The following FBXL18 variants were observed in gnomAD, a reference collection of about 807,000 sequenced individuals.
The protein encoded by FBXL18 is F-box and leucine rich repeat protein 18.
In FBXL18, 36 loss-of-function variants were observed where a neutral mutation model predicts 46.0. That is an observed-to-expected ratio of 0.78 (90% CI 0.60 to 1.03). The LOEUF is 1.03. Among genes scored for constraint, FBXL18 ranks in the 50% least tolerant of loss-of-function variants. The pLI, the probability that FBXL18 is intolerant of heterozygous loss-of-function variation, is 0.00. For synonymous variants in FBXL18, 557 were observed against 465.3 expected (o/e 1.20, Z -2.54); for missense variants, 977 against 1,004.1 (o/e 0.97, Z 0.36).
At chr7:5,475,345 G>A (rs138946539), downstream of FBXL18, among the ~76,000 whole-genome samples, 405 of 152,118 alleles carry the variant, frequency 2.7e-3, 2 homozygotes, top group African/African-American at 9.3e-3. This position sits in a 1 kb window ranked among gnomAD's most constrained non-coding sequence, Gnocchi z 4.2. Context: ...AAAATAAAAT[G>A]AACAATGCTG....
chr7:5,456,095 A>G (rs1783169182), intron 4 of FBXL18, among the ~76,000 whole-genome samples: 1 of 151,996 alleles, frequency 6.6e-6, no homozygotes, highest in African/African-American at 2.4e-5. Context: ...CCCCACCGAA[A>G]CTGGCAACTC....
intron 3 of FBXL18, among the ~76,000 whole-genome samples, chr7:5,495,401 G>A (rs1421030472): frequency 6.6e-6 from 1 of 152,198 alleles, no homozygotes; most frequent in Non-Finnish European, 1.5e-5. Flanking sequence ...GGTGACTCAG[G>A]GTGACACGCT....
chr7:5,489,491 C>T, intron 4 of FBXL18: 1 of 354,198 alleles, frequency 2.8e-6, no homozygotes, highest in Non-Finnish European at 5.5e-6. Context: ...AAAAATTAGG[C>T]CGGGCGCGGT....
Position 5,481,970 on chromosome 7 carries a change from G to A in FBXL18, c.2001-39C>T, listed in dbSNP as rs779497773. On this transcript the variant is annotated intron_variant, in intron 4 of 4. Coordinates refer to ENST00000382368, the MANE Select transcript of FBXL18 (RefSeq NM_024963.6). ...AGGCGGTCAGCGGATTACATGGGTG[G>A]CCACGGAGGGGGCGGAGCCTGCTGG... 3.8e-6 allele frequency: 6 copies of A among 1,565,102 alleles called. No homozygotes were observed. In the South Asian group the frequency reaches 7.2e-5, roughly 19 times the overall value.
At chr7:5,456,469 C>T (rs1260825252) in intron 4 of FBXL18, among the ~76,000 whole-genome samples, 1 of 152,186 alleles carries the variant, frequency 6.6e-6, no homozygotes, top group Non-Finnish European at 1.5e-5. Flanking sequence ...TGGGGACAGG[C>T]GAGGCCCAAG....
intron 4 of FBXL18, among the ~76,000 whole-genome samples, chr7:5,461,749 T>C (rs1273589035): frequency 2.6e-5 from 4 of 152,128 alleles, no homozygotes; most frequent in Non-Finnish European, 5.9e-5. Flanking sequence ...GAGACCAGCC[T>C]GGCCAATATG....
intron 4 of FBXL18, among the ~76,000 whole-genome samples, chr7:5,468,350 C>G (rs976499356): frequency 4.6e-5 from 7 of 152,182 alleles, no homozygotes; most frequent in Non-Finnish European, 1.0e-4. Flanking sequence ...ATCTCCTGAC[C>G]TCATGATCTG....
chr7:5,485,927 C>T (rs2128234647), intron 4 of FBXL18, among the ~76,000 whole-genome samples: 1 of 152,158 alleles, frequency 6.6e-6, no homozygotes, highest in East Asian at 1.9e-4. Context: ...GGCGTGGTGG[C>T]ACACGCCTGT....
At chr7:5,506,460 G>A (rs935203460) in intron 1 of FBXL18, among the ~76,000 whole-genome samples, 16 of 151,364 alleles carry the variant, frequency 1.1e-4, no homozygotes, top group Non-Finnish European at 4.4e-5. Flanking sequence ...TCACCATGTT[G>A]GCCAATCAGG....
intron 4 of FBXL18, among the ~76,000 whole-genome samples, chr7:5,458,036 C>G (rs530633322): frequency 6.6e-6 from 1 of 151,736 alleles, no homozygotes; most frequent in East Asian, 1.9e-4. Flanking sequence ...CAAGCCTTAT[C>G]TTTCTCTTCC....
rs913065861 is a variant in FBXL18 at position 5,478,045 on chromosome 7, T to G, written c.*3730A>C. On this transcript the variant is annotated 3_prime_UTR_variant, in exon 5 of 5. Coordinates refer to ENST00000382368, the MANE Select transcript of FBXL18 (RefSeq NM_024963.6). Reference sequence around the variant, plus strand: ...CTCTGGGTCCGGACCCAGGGTGTGGTTGAGGGAGGGCGCTGCTGAGCTGGC... The same window carrying G: ...CTCTGGGTCCGGACCCAGGGTGTGGGTGAGGGAGGGCGCTGCTGAGCTGGC... 2 of 152,294 alleles carry G rather than the reference T, an allele frequency of 1.3e-5. No individual in the cohort carries two copies. Among genetic ancestry groups the G allele is most frequent in the African/African-American group, 4.8e-5 (2 of 41,444 alleles). 9.4% of individuals were successfully genotyped at this position (152,294 alleles called of 1,614,324 possible). A position where few individuals can be genotyped will look rare whatever the true frequency, so the allele number is the denominator to read the frequency against.
At chr7:5,471,297 G>T (rs13229428), downstream of FBXL18, among the ~76,000 whole-genome samples, 40,255 of 152,076 alleles carry the variant, frequency 0.26, 5,573 homozygotes, top group Admixed American at 0.3. Context: ...CACACGGGCC[G>T]GGGCTTTTTC....
chr7:5,457,893 C>G (rs965126072), intron 4 of FBXL18, among the ~76,000 whole-genome samples: 1 of 152,200 alleles, frequency 6.6e-6, no homozygotes, highest in Non-Finnish European at 1.5e-5. Context: ...GAAAGGAACC[C>G]CTGCCACGAC....
rs1246874337 is a variant in FBXL18 at position 5,455,495 on chromosome 7, G to A, written c.2001-7652C>T. On this transcript the variant is annotated intron_variant and NMD_transcript_variant, in intron 4 of 6. Transcript: ENST00000415009. This position sits in a 1 kb window ranked among gnomAD's most constrained non-coding sequence, Gnocchi z 4.6. The stretch of plus-strand genomic sequence containing the variant: ...CTTGCTCGCCACTGGCTTCACTGGC[G>A]TCAGAAGCAATTCCACAAGCCCAGC... Among the ~76,000 whole-genome samples the A allele has an allele frequency of 5.9e-5, 9 of 152,050 alleles. No homozygotes were observed. Among genetic ancestry groups the A allele is most frequent in the African/African-American group, 1.2e-4 (5 of 41,394 alleles).
At chr7:5,464,687 T>A (rs1465406153) in intron 4 of FBXL18, among the ~76,000 whole-genome samples, 505 of 34,744 alleles carry the variant, frequency 0.015, no homozygotes, top group East Asian at 0.021. Flanking sequence ...AAAAAAACAC[T>A]AAGATGGTTA....
chr7:5,500,619 C>T lies in FBXL18; in HGVS notation c.1650G>A (p.Leu550=), dbSNP rs753341485. Reference sequence around the variant, plus strand: ...GCTGGCACTGCAGGCCGATATTGACCAGCCCGGAGCCCGTAAGGACGCTGG... The same window carrying T: ...GCTGGCACTGCAGGCCGATATTGACTAGCCCGGAGCCCGTAAGGACGCTGG... ...QLPSVLTGSG[L]VNIGLQCQQL... Residue 550 remains leucine (L), a synonymous_variant, in exon 3 of 5, where the codon CTG becomes CTA. Transcript: ENST00000382368. The T allele has an allele frequency of 6.2e-7, 1 of 1,613,248 alleles. No individual in the cohort carries two copies. The highest frequency in any genetic ancestry group is 8.5e-7 in the Non-Finnish European group (1 of 1,179,860).
At chr7:5,491,640 G>A (rs1200627039) in intron 3 of FBXL18, among the ~76,000 whole-genome samples, 191 bp from the exon 4 acceptor site, 1 of 152,190 alleles carries the variant, frequency 6.6e-6, no homozygotes, top group Admixed American at 6.5e-5. Context: ...GTCCCCCTTG[G>A]AGATCTGATT....
At chr7:5,490,814 T>C (rs1783901913) in intron 4 of FBXL18, among the ~76,000 whole-genome samples, 1 of 151,918 alleles carries the variant, frequency 6.6e-6, no homozygotes, top group South Asian at 2.1e-4. Context: ...AAATACAAAA[T>C]ACATGCTGGT....
intron 1 of FBXL18, among the ~76,000 whole-genome samples, chr7:5,511,560 C>T (rs1293740819): frequency 6.6e-6 from 1 of 151,500 alleles, no homozygotes; most frequent in Non-Finnish European, 1.5e-5. Flanking sequence ...GAGCCGAGAT[C>T]GTGCCATGGC....
Sources: gnomAD v4.1 joint callset for allele counts (sites outside exome capture counted in the v4.1 genomes callset) on GRCh38, gnomAD v4.1.1 for gene constraint, Gnocchi (gnomAD v3.1) non-coding constraint, MANE v1.5 for transcripts, NCBI Gene and HGNC (gene_info 2026-07-23, HGNC 2026-07-21) for gene names.